EYS: variants seen among roughly 807,000 people sequenced by gnomAD.
The protein encoded by EYS is EGF-like photoreceptor maintenance factor, also known as protein eyes shut homolog.
In EYS, 250 loss-of-function variants were observed where a neutral mutation model predicts 282.1. That is an observed-to-expected ratio of 0.89 (90% CI 0.80 to 0.98). The LOEUF (loss-of-function observed/expected upper bound fraction) is 0.98. Among genes scored for constraint, EYS ranks in the 50% least tolerant of loss-of-function variants. The probability of loss-of-function intolerance (pLI) is 0.00; values close to 1 mark genes in which losing one functional copy is unlikely to be tolerated. For synonymous variants in EYS, 1,355 were observed against 1,282.9 expected (o/e 1.06, Z -1.20); for missense variants, 4,016 against 3,709.0 (o/e 1.08, Z -2.15).
At chr6:64,868,968 T>C (rs1766508520) in intron 19 of EYS, among the ~76,000 whole-genome samples, 1 of 151,556 alleles carries the variant, frequency 6.6e-6, no homozygotes, top group Non-Finnish European at 1.5e-5. Flanking sequence ...TCCGACTAAA[T>C]ATACTTAATT....
chr6:64,383,324 A>C (rs1016643254), intron 29 of EYS, among the ~76,000 whole-genome samples: 5 of 152,160 alleles, frequency 3.3e-5, no homozygotes, highest in African/African-American at 1.2e-4. Context: ...CAAACAAAAA[A>C]TAAGGTGGGT....
At chr6:65,220,567 G>A (rs988813072) in intron 12 of EYS, among the ~76,000 whole-genome samples, 2 of 152,092 alleles carry the variant, frequency 1.3e-5, no homozygotes, top group Admixed American at 6.5e-5. Context: ...AGTCCATTAA[G>A]CCTCTTTTCT....
rs7774242 is a variant in EYS, at chr6:64,299,272, C to A, written c.6191+7698G>T. Reference sequence around the variant, plus strand: ...GGTGACCAGATTAATTACCCAAAGGCGTGTTAACTCAAAGCCTTTGTCATT... The same window carrying A: ...GGTGACCAGATTAATTACCCAAAGGAGTGTTAACTCAAAGCCTTTGTCATT... On this transcript the variant is annotated intron_variant, in intron 30 of 42. Coordinates refer to ENST00000503581, the MANE Select transcript of EYS (RefSeq NM_001142800.2). Among the ~76,000 whole-genome samples, 1,129 of 152,258 alleles carry A rather than the reference C, an allele frequency of 7.4e-3. 12 individuals carry two copies. The highest frequency in any genetic ancestry group is 0.026 in the African/African-American group (1,067 of 41,530).
intron 12 of EYS, among the ~76,000 whole-genome samples, chr6:65,172,699 C>T (rs79494532): frequency 0.042 from 6,425 of 151,300 alleles, 196 homozygotes; most frequent in Middle Eastern, 0.065. Flanking sequence ...TAACAGTTTC[C>T]AATTTTGGTC....
Position 65,103,723 on chromosome 6 carries a change from T to C in EYS, c.2024-45996A>G, listed in dbSNP as rs936891251. On this transcript the variant is annotated intron_variant, in intron 12 of 42. Coordinates refer to ENST00000503581, the MANE Select transcript of EYS (RefSeq NM_001142800.2). ...ATCTTTTTTCCAGTAAGTATTTAGA[T>C]GATGTTATGCAGTAAAAACGCATTA... Among the ~76,000 whole-genome samples the C allele has an allele frequency of 6.6e-5, 10 of 151,500 alleles. 1 individual carries two copies. The highest frequency in any genetic ancestry group is 1.0e-4 in the Non-Finnish European group (7 of 67,620).
At chr6:65,140,206 C>A (rs892717019) in intron 12 of EYS, among the ~76,000 whole-genome samples, 4 of 151,832 alleles carry the variant, frequency 2.6e-5, no homozygotes, top group Middle Eastern at 3.4e-3. Context: ...GAATGAAATG[C>A]AATTTTAGAA....
At chr6:64,672,690 T>G (rs923469008) in intron 22 of EYS, among the ~76,000 whole-genome samples, 4 of 152,178 alleles carry the variant, frequency 2.6e-5, no homozygotes, top group African/African-American at 9.6e-5. Flanking sequence ...TTCCTGAAGC[T>G]TATGTGCCTT....
chr6:65,488,025 C>T (rs1473740783), intron 5 of EYS, among the ~76,000 whole-genome samples: 6 of 152,062 alleles, frequency 3.9e-5, no homozygotes, highest in African/African-American at 9.7e-5. Flanking sequence ...GTGATATCCC[C>T]TTTATCATTT....
intron 33 of EYS, among the ~76,000 whole-genome samples, chr6:64,039,155 G>T (rs1770267340): frequency 1.3e-5 from 2 of 152,036 alleles, no homozygotes; most frequent in Admixed American, 1.3e-4. Flanking sequence ...TCAAATACCT[G>T]ACTGACAAAT....
chr6:64,678,534 G>A (rs1769777024), intron 22 of EYS, among the ~76,000 whole-genome samples: 1 of 151,988 alleles, frequency 6.6e-6, no homozygotes, highest in African/African-American at 2.4e-5. Context: ...ACCAAGATAG[G>A]GTGACTGCAC....
intron 7 of EYS, among the ~76,000 whole-genome samples, chr6:65,385,372 T>G (rs1765760408): frequency 6.6e-6 from 1 of 151,936 alleles, no homozygotes; most frequent in Admixed American, 6.6e-5. Context: ...ACAATTTCAC[T>G]GAAATAGCAT....
intron 24 of EYS, among the ~76,000 whole-genome samples, chr6:64,616,806 A>C (rs1486272954): frequency 6.6e-6 from 1 of 152,132 alleles, no homozygotes; most frequent in Non-Finnish European, 1.5e-5. Flanking sequence ...TAATAATGAT[A>C]TTTATAAATA....
intron 2 of EYS, among the ~76,000 whole-genome samples, chr6:65,506,647 A>AT (rs35607551): frequency 0.42 from 61,847 of 146,486 alleles, 14,120 homozygotes; most frequent in African/African-American, 0.61. Context: ...CAGACTATGA[A>AT]TTTTTTTTTT....
chr6:64,716,156 A>G (rs1001109131), intron 22 of EYS, among the ~76,000 whole-genome samples: 1 of 152,214 alleles, frequency 6.6e-6, no homozygotes, highest in African/African-American at 2.4e-5. Context: ...TGAGTTAGCC[A>G]GCATTTCTCT....
intron 35 of EYS, among the ~76,000 whole-genome samples, chr6:63,960,188 T>A (rs928536202): frequency 6.6e-6 from 1 of 152,038 alleles, no homozygotes; most frequent in Non-Finnish European, 1.5e-5. Context: ...AATATCAACA[T>A]TAAGAGGAGT....
intron 29 of EYS, among the ~76,000 whole-genome samples, chr6:64,340,335 A>G (rs893315945): frequency 1.3e-5 from 2 of 151,890 alleles, no homozygotes; most frequent in African/African-American, 4.8e-5. Flanking sequence ...GTGAGGCTAT[A>G]GTAAACAAAA....
At chr6:65,125,267 G>A (rs1432974940) in intron 12 of EYS, among the ~76,000 whole-genome samples, 3 of 152,038 alleles carry the variant, frequency 2.0e-5, no homozygotes, top group Non-Finnish European at 4.4e-5. Flanking sequence ...CAAACATGAA[G>A]CAAAGCCAAT....
intron 22 of EYS, among the ~76,000 whole-genome samples, chr6:64,632,997 TGCATAAA>T (rs1279268746): frequency 1.3e-5 from 2 of 152,188 alleles, no homozygotes; most frequent in Admixed American, 6.6e-5. Context: ...ATAGTCAAAC[TGCATAAA>T]GCATAATCCA....
In EYS at chr6:64,062,154, G is replaced by A. The variant is rs138461292; in HGVS notation, c.6725+4184C>T. Among the ~76,000 whole-genome samples, 4 of 152,190 alleles carry A rather than the reference G, an allele frequency of 2.6e-5. No homozygotes were observed. In the South Asian group the frequency reaches 6.2e-4, roughly 24 times the overall value. On this transcript the variant is annotated intron_variant, in intron 33 of 42. Transcript: ENST00000503581. ...AGTGAGAATTAAGTTGGAAAAAGCC[G>A]TACCAAAAGACCTTTAAATTCTAAA...
Sources: allele counts gnomAD v4.1 joint callset (sites outside exome capture counted in the v4.1 genomes callset), GRCh38; gene constraint gnomAD v4.1.1; transcripts MANE v1.5; gene names NCBI Gene and HGNC (gene_info 2026-07-23, HGNC 2026-07-21).